The following THSD4 variants were observed in gnomAD, a reference collection of about 807,000 sequenced individuals.
The protein encoded by THSD4 is thrombospondin type-1 domain-containing protein 4.
In THSD4, 69 loss-of-function variants were observed where a neutral mutation model predicts 119.0. The observed-to-expected ratio is 0.58, with a 90% CI of 0.48 to 0.71. The LOEUF is 0.71. Ranked by LOEUF, THSD4 falls within the 30% of genes least tolerant of loss-of-function variation. The pLI is 0.00. For missense variants in THSD4, 1,393 were observed against 1,391.1 expected, an observed-to-expected ratio of 1.00 and a Z score of -0.02; for synonymous variants, 524 against 540.4, an observed-to-expected ratio of 0.97 and a Z score of 0.42.
At position 71,539,380 on chromosome 15, in the gene THSD4, C is replaced by A. The variant is rs534162903; in HGVS notation, c.1153-121150C>A. On this transcript the variant is annotated intron_variant, in intron 7 of 17. Coordinates refer to ENST00000261862, the MANE Select transcript of THSD4 (RefSeq NM_024817.3). Reference sequence around the variant, plus strand: ...TAAAGAAATAAACATAGTTTGAACACTTTAGCCATACCATATGGACCTCTG... The same window carrying A: ...TAAAGAAATAAACATAGTTTGAACAATTTAGCCATACCATATGGACCTCTG... Among the ~76,000 whole-genome samples the A allele has an allele frequency of 3.9e-5, 6 of 152,338 alleles. No individual in the cohort carries two copies. In the East Asian group the frequency reaches 1.2e-3, roughly 29 times the overall value.
intron 12 of THSD4, among the ~76,000 whole-genome samples, chr15:71,745,833 C>T (rs1208860380): frequency 6.6e-6 from 1 of 152,278 alleles, no homozygotes; most frequent in East Asian, 1.9e-4. Flanking sequence ...TTTGTAGGGA[C>T]AGGGTTTTGC....
chr15:71,382,719 G>A (rs990138206), intron 6 of THSD4, among the ~76,000 whole-genome samples: 1 of 151,860 alleles, frequency 6.6e-6, no homozygotes, highest in East Asian at 1.9e-4. Context: ...ATTTCTCATG[G>A]AATAAATAAT....
intron 1 of THSD4, among the ~76,000 whole-genome samples, chr15:71,126,062 C>T (rs1373234394): frequency 6.6e-6 from 1 of 152,220 alleles, no homozygotes; most frequent in Non-Finnish European, 1.5e-5. Flanking sequence ...AGTGGTCTTG[C>T]AGCCAAGGGC....
chr15:71,307,672 G>C (rs1456249648), intron 6 of THSD4, among the ~76,000 whole-genome samples: 3 of 152,184 alleles, frequency 2.0e-5, no homozygotes. Flanking sequence ...GGGAGGCTGA[G>C]GCAGAGAATT....
intron 6 of THSD4, among the ~76,000 whole-genome samples, chr15:71,299,696 C>T (rs144511772): frequency 2.0e-5 from 3 of 151,974 alleles, no homozygotes; most frequent in African/African-American, 7.3e-5. Context: ...TTCAATTGTC[C>T]TTATCACTAA....
At chr15:71,672,805 T>G (rs1317578785) in intron 8 of THSD4, among the ~76,000 whole-genome samples, 1 of 152,258 alleles carries the variant, frequency 6.6e-6, no homozygotes. Context: ...GATTTGCGTA[T>G]GTTGAACCAG....
chr15:71,521,370 G>A (rs1361787644), intron 7 of THSD4, among the ~76,000 whole-genome samples: 1 of 152,130 alleles, frequency 6.6e-6, no homozygotes, highest in Non-Finnish European at 1.5e-5. Context: ...TTAAATAAAT[G>A]AAATAAGATT....
intron 7 of THSD4, among the ~76,000 whole-genome samples, chr15:71,540,329 G>A (rs917636298): frequency 6.6e-6 from 1 of 151,454 alleles, no homozygotes; most frequent in Non-Finnish European, 1.5e-5. Flanking sequence ...GTAGAGACGG[G>A]GTTTCACCAT....
At chr15:71,266,213 G>A (rs527310917) in intron 6 of THSD4, among the ~76,000 whole-genome samples, 9 of 152,260 alleles carry the variant, frequency 5.9e-5, no homozygotes, top group East Asian at 3.9e-4. Context: ...GGAGAGCGCC[G>A]GCTGGCATCT....
chr15:71,748,712 A>T (rs914168166), intron 14 of THSD4, 118 bp downstream of exon 14: 4 of 1,289,142 alleles, frequency 3.1e-6, no homozygotes, highest in Non-Finnish European at 4.2e-6. Context: ...CTGGGGGGAA[A>T]AAAAAGGCCC....
chr15:71,152,877 G>A (rs1236517178), intron 2 of THSD4, among the ~76,000 whole-genome samples: 3 of 152,152 alleles, frequency 2.0e-5, no homozygotes, highest in Non-Finnish European at 4.4e-5. Flanking sequence ...TACTCCATGG[G>A]TATAAGCTGT....
At chr15:71,373,613 A>G (rs1373411406) in intron 6 of THSD4, among the ~76,000 whole-genome samples, 1 of 152,208 alleles carries the variant, frequency 6.6e-6, no homozygotes, top group Non-Finnish European at 1.5e-5. Context: ...TTCAGCTTCT[A>G]AAAGACAGCT....
At chr15:71,113,249 G>T (rs1285074386), upstream of THSD4, among the ~76,000 whole-genome samples, 1 of 152,184 alleles carries the variant, frequency 6.6e-6, no homozygotes, top group Non-Finnish European at 1.5e-5. Flanking sequence ...ACTTTCTTGT[G>T]ACATATAAGC....
At chr15:71,240,834 C>CAG (rs1567166393) in intron 4 of THSD4, among the ~76,000 whole-genome samples, 1 of 143,798 alleles carries the variant, frequency 7.0e-6, no homozygotes, top group Non-Finnish European at 1.5e-5. Flanking sequence ...CACACACACA[C>CAG]ACACATATAT....
chr15:71,612,757 A>G (rs1057143224), intron 7 of THSD4, among the ~76,000 whole-genome samples: 30 of 152,234 alleles, frequency 2.0e-4, no homozygotes, highest in African/African-American at 6.8e-4. Flanking sequence ...CAGAGAGTCA[A>G]TGCATTGATA....
chr15:71,455,813 A>G (rs1163297423), intron 7 of THSD4, among the ~76,000 whole-genome samples: 1 of 152,146 alleles, frequency 6.6e-6, no homozygotes, highest in African/African-American at 2.4e-5. Flanking sequence ...TGCTCTCTTC[A>G]CCTCTGGTGG....
intron 7 of THSD4, among the ~76,000 whole-genome samples, chr15:71,608,864 G>T (rs2050167569): frequency 6.6e-6 from 1 of 152,154 alleles, no homozygotes; most frequent in Non-Finnish European, 1.5e-5. Flanking sequence ...TGTAGATAAG[G>T]AAAGTGGGGC....
chr15:71,685,255 T>G (rs933127864), intron 8 of THSD4, among the ~76,000 whole-genome samples: 1 of 152,022 alleles, frequency 6.6e-6, no homozygotes, highest in Non-Finnish European at 1.5e-5. Flanking sequence ...TGTGTGACAC[T>G]TCTGTTTTTG....
chr15:71,672,447 C>G (rs2051551658), intron 8 of THSD4, among the ~76,000 whole-genome samples: 1 of 152,226 alleles, frequency 6.6e-6, no homozygotes, highest in Admixed American at 6.5e-5. Flanking sequence ...GACAATTTGA[C>G]TTCCTCTTTT....
Sources: gnomAD v4.1 joint callset for allele counts (sites outside exome capture counted in the v4.1 genomes callset) on GRCh38, gnomAD v4.1.1 for gene constraint, MANE v1.5 for transcripts, NCBI Gene and HGNC (gene_info 2026-07-23, HGNC 2026-07-21) for gene names.